The following GIPC2 variants were observed in gnomAD, a reference collection of about 807,000 sequenced individuals.
GIPC2 encodes the protein GIPC PDZ domain containing family member 2.
In GIPC2, 30 loss-of-function variants were observed where a neutral mutation model predicts 30.6. That is an observed-to-expected ratio of 0.98 (90% CI 0.73 to 1.33). The LOEUF (loss-of-function observed/expected upper bound fraction) is 1.33, where lower values mean the gene tolerates loss of function less well. Among genes scored for constraint, GIPC2 ranks in the 40% most tolerant of loss-of-function variants. The pLI is 0.00. For missense variants in GIPC2, 414 were observed against 390.3 expected, an observed-to-expected ratio of 1.06 and a Z score of -0.51; for synonymous variants, 167 against 150.0, an observed-to-expected ratio of 1.11 and a Z score of -0.83.
intron 2 of GIPC2, chr1:78,091,855 A>G: frequency 2.6e-6 from 2 of 779,586 alleles, no homozygotes; most frequent in Non-Finnish European, 4.8e-6. Flanking sequence ...AGAAAGATGT[A>G]AGAATCTTGT....
At chr1:78,071,669 G>T (rs1473723845) in intron 1 of GIPC2, among the ~76,000 whole-genome samples, 1 of 151,426 alleles carries the variant, frequency 6.6e-6, no homozygotes, top group Non-Finnish European at 1.5e-5. Context: ...ACTCCTGAGC[G>T]CAAGTGATCC....
At chr1:78,059,785 A>G (rs573327245) in intron 1 of GIPC2, among the ~76,000 whole-genome samples, 265 of 152,264 alleles carry the variant, frequency 1.7e-3, no homozygotes, top group African/African-American at 4.7e-3. Context: ...CAATAACAAA[A>G]AGAAAAAAAG....
chr1:78,135,598 C>A lies in GIPC2; in HGVS notation c.803C>A (p.Thr268Lys). The A allele has an allele frequency of 6.4e-7, 1 of 1,555,568 alleles. No individual in the cohort carries two copies. The highest frequency in any genetic ancestry group is 8.8e-7 in the Non-Finnish European group (1 of 1,142,518). The change falls in exon 6 of 6, where the codon ACA becomes AAA. Residue 268 changes from threonine (T) to lysine (K), a missense_variant. Thr to Lys is a moderately conservative substitution (Grantham distance 78). Transcript: ENST00000370759. ...MGIRDIDLAT[T>K]MFEAGKDKVN... is the part of the protein sequence containing the mutation. ...TTAATATTATTTTTGATAGCCACCA[C>A]AATGTTTGAAGCTGGAAAGGACAAA...
chr1:78,096,186 A>C lies in GIPC2; in HGVS notation c.607+1054A>C, dbSNP rs576041390. On this transcript the variant is annotated intron_variant, in intron 3 of 5. Transcript: ENST00000370759. Reference sequence around the variant, plus strand: ...TCCTGGAGGGAGCACTCTAGGAACTACCTCTGTAGATGCTGTGATTCTGCC... The same window carrying C: ...TCCTGGAGGGAGCACTCTAGGAACTCCCTCTGTAGATGCTGTGATTCTGCC... 6.6e-5 allele frequency among the ~76,000 whole-genome samples: 10 copies of C among 152,248 alleles called. No homozygotes were observed. In the South Asian group the frequency reaches 2.1e-3, roughly 32 times the overall value.
intron 5 of GIPC2, among the ~76,000 whole-genome samples, chr1:78,126,655 A>G (rs1662788457): frequency 6.6e-6 from 1 of 151,960 alleles, no homozygotes; most frequent in Admixed American, 6.5e-5. Context: ...TGTCATCAGG[A>G]TATGATTTCT....
chr1:78,081,412 A>G (rs1432897257), intron 2 of GIPC2, among the ~76,000 whole-genome samples: 2 of 152,216 alleles, frequency 1.3e-5, no homozygotes, highest in African/African-American at 4.8e-5. Flanking sequence ...ACAATACAGT[A>G]CAACTGCTTA....
chr1:78,128,702 G>T (rs1662831517), intron 5 of GIPC2, among the ~76,000 whole-genome samples: 1 of 152,068 alleles, frequency 6.6e-6, no homozygotes, highest in Non-Finnish European at 1.5e-5. Context: ...AAAGAGATAT[G>T]ATATAGTATT....
At position 78,136,819 on chromosome 1, in the gene GIPC2, T is replaced by G. The variant is rs1663015445; in HGVS notation, c.*1076T>G. The G allele has an allele frequency of 6.6e-6, 1 of 152,106 alleles. No homozygotes were observed. Among genetic ancestry groups the G allele is most frequent in the Admixed American group, 6.5e-5 (1 of 15,278 alleles). The allele number at this position is 152,106 out of a possible 1,614,324, so 9.4% of individuals were successfully genotyped here. Reference sequence around the variant, plus strand: ...AAATGACTGTCTTATCACTCTTATTTGACATTTCGTAGGTGTAAGAGAAAT... The same window carrying G: ...AAATGACTGTCTTATCACTCTTATTGGACATTTCGTAGGTGTAAGAGAAAT... On this transcript the variant is annotated 3_prime_UTR_variant, in exon 6 of 6. Transcript: ENST00000370759.
intron 4 of GIPC2, among the ~76,000 whole-genome samples, chr1:78,122,745 C>T (rs2100434294): frequency 6.6e-6 from 1 of 152,354 alleles, no homozygotes; most frequent in South Asian, 2.1e-4. Flanking sequence ...TCTCCACTTG[C>T]ATAACCTCAT....
intron 1 of GIPC2, among the ~76,000 whole-genome samples, chr1:78,047,376 C>T (rs1239550037): frequency 1.3e-5 from 2 of 152,132 alleles, no homozygotes; most frequent in Admixed American, 1.3e-4. Context: ...GAGGTCAAGG[C>T]AAAATTCCAA....
chr1:78,091,605 CG>C, intron 2 of GIPC2: 1 of 764,556 alleles, frequency 1.3e-6, no homozygotes, highest in Non-Finnish European at 2.5e-6. Context: ...TTCGGGAATG[CG>C]TTCGTCGTGT....
chr1:78,103,751 T>C (rs1011182975), intron 3 of GIPC2, among the ~76,000 whole-genome samples: 1 of 152,094 alleles, frequency 6.6e-6, no homozygotes, highest in Non-Finnish European at 1.5e-5. Flanking sequence ...TTGTCCATGA[T>C]TGGGAGGGGT....
At chr1:78,075,997 C>T (rs901433012) in intron 1 of GIPC2, among the ~76,000 whole-genome samples, 6 of 152,248 alleles carry the variant, frequency 3.9e-5, no homozygotes, top group African/African-American at 9.6e-5. Flanking sequence ...GTGATAACTG[C>T]AGTCATTTTA....
At chr1:78,128,497 T>C (rs933598364) in intron 5 of GIPC2, among the ~76,000 whole-genome samples, 5 of 152,186 alleles carry the variant, frequency 3.3e-5, no homozygotes, top group Admixed American at 6.5e-5. Flanking sequence ...ATATGTAACA[T>C]ATAAATAGAG....
intron 1 of GIPC2, among the ~76,000 whole-genome samples, chr1:78,064,118 A>C (rs1168517399): frequency 6.6e-6 from 1 of 152,250 alleles, no homozygotes; most frequent in African/African-American, 2.4e-5. Flanking sequence ...AACGATAAAT[A>C]ACTCTTGGTA....
At chr1:78,051,139 A>AT (rs1661190389) in intron 1 of GIPC2, among the ~76,000 whole-genome samples, 1 of 152,154 alleles carries the variant, frequency 6.6e-6, no homozygotes, top group Non-Finnish European at 1.5e-5. Context: ...AAGACGTATA[A>AT]TAAAAAAAAG....
rs766935328 is a variant in GIPC2 at position 78,080,736 on chromosome 1, T to C, written c.302T>C (p.Leu101Pro). 6.2e-7 allele frequency: 1 copy of C among 1,608,776 alleles called. No homozygotes were observed. The highest frequency in any genetic ancestry group is 1.3e-5 in the African/African-American group (1 of 74,810). ...ATGGAAAGACTCTTAGGAGGACAAC[T>C]AGGACTAGAAGATTTCATATTTGCC... ...IDMERLLGGQ[L>P]GLEDFIFAHV... Residue 101 changes from leucine (L) to proline (P), a missense_variant, in exon 2 of 6, where the codon CTA (leucine) becomes CCA (proline). Physicochemically the swap from Leu to Pro is moderately conservative, Grantham distance 98 (BLOSUM62 -3). Coordinates refer to ENST00000370759, the MANE Select transcript of GIPC2 (RefSeq NM_017655.6).
intron 2 of GIPC2, among the ~76,000 whole-genome samples, chr1:78,094,048 C>T (rs1283044516): frequency 1.3e-5 from 2 of 152,178 alleles, no homozygotes; most frequent in Admixed American, 6.6e-5. Flanking sequence ...TGGGGTCCTA[C>T]ATTCTGTTCA....
Position 78,094,993 on chromosome 1 carries a change from C to A in GIPC2, c.468C>A (p.Ile156=), listed in dbSNP as rs774694759. Residue 156 remains isoleucine (I), a synonymous_variant, in exon 3 of 6, where the codon ATC becomes ATA. Coordinates refer to ENST00000370759, the MANE Select transcript of GIPC2 (RefSeq NM_017655.6). ...DGGVIDSVKT[I]CVGDHIESIN... The stretch of plus-strand genomic sequence containing the variant: ...GTGTTATTGACTCAGTTAAAACAAT[C>A]TGTGTTGGGGATCATATTGAATCCA... 1 of 1,604,830 alleles carries A rather than the reference C, an allele frequency of 6.2e-7. No homozygotes were observed. The highest frequency in any genetic ancestry group is 8.5e-7 in the Non-Finnish European group (1 of 1,171,874).
Sources: allele counts gnomAD v4.1 joint callset (sites outside exome capture counted in the v4.1 genomes callset), GRCh38; gene constraint gnomAD v4.1.1; transcripts MANE v1.5; gene names NCBI Gene and HGNC (gene_info 2026-07-23, HGNC 2026-07-21).